CDKAL1: variants seen among roughly 807,000 people sequenced by gnomAD.
CDKAL1 encodes threonylcarbamoyladenosine tRNA methylthiotransferase.
Under a neutral mutation model 68.2 loss-of-function variants are expected in CDKAL1, and 32 were observed. That is an observed-to-expected ratio of 0.47 (90% confidence interval 0.35 to 0.63). The LOEUF (loss-of-function observed/expected upper bound fraction) is 0.63, where lower values mean the gene tolerates loss of function less well. Among genes scored for constraint, CDKAL1 ranks in the 30% least tolerant of loss-of-function variants. CDKAL1 has a pLI of 0.00. For missense variants in CDKAL1, 606 were observed against 696.7 expected, an observed-to-expected ratio of 0.87 and a Z score of 1.47; for synonymous variants, 234 against 244.3, an observed-to-expected ratio of 0.96 and a Z score of 0.39.
At chr6:20,827,140 G>A (rs1235332238) in intron 8 of CDKAL1, among the ~76,000 whole-genome samples, 1 of 152,248 alleles carries the variant, frequency 6.6e-6, no homozygotes, top group Admixed American at 6.5e-5. Flanking sequence ...ATGACAGGTG[G>A]TATGTGTAAT....
intron 9 of CDKAL1, among the ~76,000 whole-genome samples, chr6:20,953,352 G>A (rs532229834): frequency 8.5e-5 from 13 of 152,096 alleles, no homozygotes; most frequent in Non-Finnish European, 1.6e-4. Context: ...ACTGTTCCAG[G>A]AACCCACACT....
chr6:20,779,533 A>G (rs990930236), intron 7 of CDKAL1, among the ~76,000 whole-genome samples: 4 of 152,228 alleles, frequency 2.6e-5, no homozygotes, highest in Non-Finnish European at 5.9e-5. Context: ...TGTTTCATTC[A>G]GTTTTAGAAC....
At position 20,743,845 on chromosome 6, in the gene CDKAL1, A is replaced by G. The variant is rs80119625; in HGVS notation, c.468+4230A>G. Among the ~76,000 whole-genome samples the G allele has an allele frequency of 5.7e-3, 866 of 152,316 alleles. 11 individuals are homozygous for G. The highest frequency in any genetic ancestry group is 0.019 in the African/African-American group (799 of 41,578). ...CACAAACCTGTCTAATTTCTTCACA[A>G]TGGAAGCGGAGAGAGAACAGATTTG... On this transcript the variant is annotated intron_variant, in intron 6 of 15. Coordinates refer to ENST00000274695, the MANE Select transcript of CDKAL1 (RefSeq NM_017774.3).
chr6:20,777,098 C>T (rs907970713), intron 7 of CDKAL1, among the ~76,000 whole-genome samples: 4 of 152,144 alleles, frequency 2.6e-5, no homozygotes, highest in African/African-American at 9.7e-5. Flanking sequence ...GCTGAGCTAG[C>T]GCTATGAGGC....
At chr6:20,933,924 CTT>C (rs398065625) in intron 9 of CDKAL1, among the ~76,000 whole-genome samples, 2 of 144,724 alleles carry the variant, frequency 1.4e-5, no homozygotes, top group Non-Finnish European at 1.5e-5. Context: ...ATTGTTTAAT[CTT>C]TTTTTTTTTT....
chr6:20,937,946 T>A (rs1241851829), intron 9 of CDKAL1, among the ~76,000 whole-genome samples: 1 of 152,050 alleles, frequency 6.6e-6, no homozygotes, highest in Non-Finnish European at 1.5e-5. Flanking sequence ...GCCCACTAAG[T>A]TTAGCATCCA....
chr6:20,564,738 T>C (rs896307040), intron 4 of CDKAL1, among the ~76,000 whole-genome samples: 2 of 152,188 alleles, frequency 1.3e-5, no homozygotes, highest in African/African-American at 4.8e-5. Context: ...AACAGTCCAG[T>C]GATTAAAACA....
chr6:20,972,237 A>G (rs943232516), intron 10 of CDKAL1, among the ~76,000 whole-genome samples: 1 of 152,202 alleles, frequency 6.6e-6, no homozygotes, highest in Admixed American at 6.5e-5. Context: ...CCAAAAATGG[A>G]TTGTTCTGCA....
In CDKAL1 at chr6:20,785,775, AT is replaced by A. The variant is rs1197194035; in HGVS notation, c.638+4513del. Among the ~76,000 whole-genome samples the A allele has an allele frequency of 2.0e-5, 3 of 152,272 alleles. No individual in the cohort carries two copies. The East Asian group carries it at 5.8e-4, about 29-fold the overall frequency. The stretch of plus-strand genomic sequence containing the variant: ...TATTGCTTCCACATTAAATATGTAG[AT>A]TTCACTTTCCATAAATTTTTCATTT... On this transcript the variant is annotated intron_variant, in intron 8 of 15. Transcript: ENST00000274695.
In CDKAL1 at chr6:20,810,627, GGTGTGTGT is replaced by G. The variant is rs57000695; in HGVS notation, c.638+29393_638+29400del. ...AAAAAAGATTATGTGTGTATGTATG[GGTGTGTGT>G]GTGTGTGTGTGTGTGTGTGTGTGTG... On this transcript the variant is annotated intron_variant, in intron 8 of 15. Coordinates refer to ENST00000274695, the MANE Select transcript of CDKAL1 (RefSeq NM_017774.3). Among the ~76,000 whole-genome samples the G allele has an allele frequency of 5.7e-3, 773 of 134,656 alleles. 9 individuals are homozygous for G. The highest frequency in any genetic ancestry group is 0.012 in the African/African-American group (430 of 36,172). The allele number at this position is 134,656 out of a possible 152,430, so 88.3% of individuals were successfully genotyped here. A position where few individuals can be genotyped will look rare whatever the true frequency, so the allele number is the denominator to read the frequency against.
chr6:20,823,626 G>T (rs994696300), intron 8 of CDKAL1, among the ~76,000 whole-genome samples: 4 of 152,026 alleles, frequency 2.6e-5, no homozygotes, highest in Non-Finnish European at 5.9e-5. Context: ...AATGTTCCTG[G>T]AGTTACTTCT....
chr6:20,611,919 T>C (rs1766634896), intron 4 of CDKAL1, among the ~76,000 whole-genome samples: 1 of 152,180 alleles, frequency 6.6e-6, no homozygotes, highest in African/African-American at 2.4e-5. Flanking sequence ...CACATCCCCT[T>C]CCCACTTGCG....
chr6:20,957,157 G>A (rs2150730295), intron 10 of CDKAL1, among the ~76,000 whole-genome samples: 1 of 152,200 alleles, frequency 6.6e-6, no homozygotes, highest in African/African-American at 2.4e-5. Flanking sequence ...ATCAATATAA[G>A]GTTTATGATA....
chr6:21,072,670 G>C (rs903591122), intron 12 of CDKAL1, among the ~76,000 whole-genome samples: 1 of 129,014 alleles, frequency 7.8e-6, no homozygotes, highest in African/African-American at 3.0e-5. Context: ...GCCTGGAATA[G>C]AGTATCTTTT....
intron 8 of CDKAL1, among the ~76,000 whole-genome samples, chr6:20,793,378 C>CATGCAT (rs1775980096): frequency 2.0e-5 from 3 of 152,050 alleles, no homozygotes; most frequent in African/African-American, 2.4e-5. Context: ...ACACATTGCA[C>CATGCAT]GCATCTTGGA....
intron 8 of CDKAL1, among the ~76,000 whole-genome samples, chr6:20,788,527 C>G (rs980701220): frequency 2.6e-5 from 4 of 152,162 alleles, no homozygotes; most frequent in African/African-American, 9.7e-5. Flanking sequence ...TTGGAAAGAG[C>G]TCTGCACTTG....
chr6:20,775,610 G>A (rs943952040), intron 7 of CDKAL1, among the ~76,000 whole-genome samples: 5 of 152,032 alleles, frequency 3.3e-5, no homozygotes, highest in Non-Finnish European at 5.9e-5. Context: ...TGTTTCTCTG[G>A]TCCTGAGTCC....
intron 12 of CDKAL1, among the ~76,000 whole-genome samples, chr6:21,072,554 C>CAA (rs71540611): frequency 0.052 from 2,323 of 44,412 alleles, 553 homozygotes; most frequent in African/African-American, 0.15. Context: ...GACTCCGTCT[C>CAA]AAAAAAAAAA....
chr6:20,692,684 A>G (rs1373513069), intron 5 of CDKAL1, among the ~76,000 whole-genome samples: 1 of 152,076 alleles, frequency 6.6e-6, no homozygotes, highest in African/African-American at 2.4e-5. Context: ...TTTTCTGGAA[A>G]ATATTATCTT....
Sources: allele counts gnomAD v4.1 joint callset (sites outside exome capture counted in the v4.1 genomes callset), GRCh38; gene constraint gnomAD v4.1.1; transcripts MANE v1.5; gene names NCBI Gene and HGNC (gene_info 2026-07-23, HGNC 2026-07-21).